Variants in TOB2 observed in about 807,000 individuals in gnomAD.
The protein encoded by TOB2 is protein Tob2.
A neutral mutation model predicts 17.3 loss-of-function variants in TOB2; 3 were observed. The ratio of observed to expected loss-of-function variants is 0.17; its 90% CI spans 0.08 to 0.45. TOB2 has a LOEUF of 0.45. Among genes scored for constraint, TOB2 ranks in the 20% least tolerant of loss-of-function variants. The pLI is 0.99. For synonymous variants in TOB2, 163 were observed against 185.6 expected (o/e 0.88, Z 0.99); for missense variants, 407 against 445.7 (o/e 0.91, Z 0.78).
chr22:41,437,229 T>C lies in TOB2; in HGVS notation c.117A>G (p.Lys39=). 3 of 1,614,062 alleles carry C rather than the reference T, an allele frequency of 1.9e-6. No individual in the cohort carries two copies. Among genetic ancestry groups the C allele is most frequent in the Non-Finnish European group, 2.5e-6 (3 of 1,179,996 alleles). ...GEELERLLKK[K]YEGHWYPEKP... Reference sequence around the variant, plus strand: ...TCTCAGGGTACCAGTGGCCTTCATATTTCTTTTTCAAAAGCCGCTCTAGCT... The same window carrying C: ...TCTCAGGGTACCAGTGGCCTTCATACTTCTTTTTCAAAAGCCGCTCTAGCT... The change falls in exon 2 of 2, where the codon AAA becomes AAG. Residue 39 remains lysine, a synonymous_variant. Coordinates refer to ENST00000327492, the MANE Select transcript of TOB2 (RefSeq NM_016272.4).
At chr22:41,444,123 G>C (rs967232415) in intron 1 of TOB2, among the ~76,000 whole-genome samples, 1 of 152,150 alleles carries the variant, frequency 6.6e-6, no homozygotes, top group African/African-American at 2.4e-5. Flanking sequence ...GGGTGGATGC[G>C]AGTGCCCTGC....
intron 1 of TOB2, among the ~76,000 whole-genome samples, chr22:41,444,521 A>G (rs1270978023): frequency 6.6e-6 from 1 of 152,226 alleles, no homozygotes; most frequent in East Asian, 1.9e-4. Context: ...GGAGTGACCT[A>G]CTTTCCCTGC....
chr22:41,436,739 C>T lies in TOB2; in HGVS notation c.607G>A (p.Val203Ile), dbSNP rs759494082. ...TGGCCACCCGCCCCACTGCTGGCTA[C>T]ACCCCCACCACTTGCTGCCCCGCCC... Reference protein sequence around the residue: ...KGGGAASGGGVASSGAGGQQP... With the variant: ...KGGGAASGGGIASSGAGGQQP... The change falls in exon 2 of 2, where the codon GTA becomes ATA. Residue 203 changes from valine (V) to isoleucine (I), a missense_variant. Coordinates refer to ENST00000327492, the MANE Select transcript of TOB2 (RefSeq NM_016272.4). The surrounding 1 kb of genome is among the most constrained non-coding windows in gnomAD (Gnocchi z 4.8). 5.0e-6 allele frequency: 8 copies of T among 1,613,404 alleles called. No individual in the cohort carries two copies. The highest frequency in any genetic ancestry group is 6.8e-6 in the Non-Finnish European group (8 of 1,179,824).
chr22:41,433,644 C>T lies in TOB2; in HGVS notation c.*2667G>A, dbSNP rs2037510489. ...AAAATATTGCACAACATTCTGAATA[C>T]AAAACCCTTGATTGTATTCCTCCTT... On this transcript the variant is annotated 3_prime_UTR_variant, in exon 2 of 2. Coordinates refer to ENST00000327492, the MANE Select transcript of TOB2 (RefSeq NM_016272.4). 7.3e-6 allele frequency: 2 copies of T among 272,800 alleles called. No homozygotes were observed. The highest frequency in any genetic ancestry group is 4.1e-5 in the South Asian group (1 of 24,420). 16.9% of individuals were successfully genotyped at this position (272,800 alleles called of 1,614,324 possible).
At position 41,446,661 on chromosome 22, in the gene TOB2, A is replaced by C. The variant is rs905239494; in HGVS notation, c.-345T>G. On this transcript the variant is annotated 5_prime_UTR_variant, in exon 1 of 2. Coordinates refer to ENST00000327492, the MANE Select transcript of TOB2 (RefSeq NM_016272.4). ...CGACGACGCGGGGATGGCGGATCGG[A>C]GGGTGGTTCGTGTCGCGCAACGGCA... 2.0e-5 allele frequency: 3 copies of C among 152,492 alleles called. No homozygotes were observed. The highest frequency in any genetic ancestry group is 1.9e-4 in the East Asian group (1 of 5,158). The allele number at this position is 152,492 out of a possible 1,614,324, so 9.4% of individuals were successfully genotyped here.
Position 41,437,038 on chromosome 22 carries a change from A to G in TOB2, c.308T>C (p.Ile103Thr), listed in dbSNP as rs1569269319. The G allele has an allele frequency of 6.2e-7, 1 of 1,614,018 alleles. No homozygotes were observed. Among genetic ancestry groups the G allele is most frequent in the Non-Finnish European group, 8.5e-7 (1 of 1,179,986 alleles). ...WIDPFEVSYQ[I>T]GEKGAVKVLY... ...CACTTTCACAGCTCCCTTCTCACCAATCTGGTAGGACACCTCAAAGGGATC... is the reference window on the plus strand; with the variant it reads ...CACTTTCACAGCTCCCTTCTCACCAGTCTGGTAGGACACCTCAAAGGGATC... Residue 103 changes from isoleucine (I) to threonine (T), a missense_variant, in exon 2 of 2, where the codon ATT (isoleucine) becomes ACT (threonine). By Grantham distance (89) the Ile-to-Thr change is moderately conservative. Transcript: ENST00000327492.
rs1410031193 is a variant in TOB2 at position 41,437,302 on chromosome 22, TAGG to T, written c.41_43del (p.Ser14del). 6.2e-7 allele frequency: 1 copy of T among 1,613,900 alleles called. No homozygotes were observed. The highest frequency in any genetic ancestry group is 8.5e-7 in the Non-Finnish European group (1 of 1,179,974). On this transcript the variant is annotated inframe_deletion, in exon 2 of 2. Transcript: ENST00000327492. ...GCGCCGGGGCAGCTTGTTGTACAAGTAGGAGATGATGAAGTTCAGGGCCACTTT... is the reference window on the plus strand; with the variant it reads ...GCGCCGGGGCAGCTTGTTGTACAAGTAGATGATGAAGTTCAGGGCCACTTT...
rs2037533104 is a variant in TOB2 at position 41,435,273 on chromosome 22, T to G, written c.*1038A>C. ...CTTCCACAGTCTGCAAACCAGTTCC[T>G]TCTGCAGTGTTTTCCTCTGGGAGTG... On this transcript the variant is annotated 3_prime_UTR_variant, in exon 2 of 2. Transcript: ENST00000327492. 6.6e-6 allele frequency: 1 copy of G among 152,238 alleles called. No individual in the cohort carries two copies. Among genetic ancestry groups the G allele is most frequent in the Non-Finnish European group, 1.5e-5 (1 of 68,054 alleles). 9.4% of individuals were successfully genotyped at this position (152,238 alleles called of 1,614,324 possible). A position where few individuals can be genotyped will look rare whatever the true frequency, so the allele number is the denominator to read the frequency against.
chr22:41,436,258 C>G lies in TOB2; in HGVS notation c.*53G>C. The G allele has an allele frequency of 6.8e-7, 1 of 1,480,884 alleles. No individual in the cohort carries two copies. The highest frequency in any genetic ancestry group is 9.0e-7 in the Non-Finnish European group (1 of 1,116,750). The allele number at this position is 1,480,884 out of a possible 1,614,324, so 91.7% of individuals were successfully genotyped here. A position where few individuals can be genotyped will look rare whatever the true frequency, so the allele number is the denominator to read the frequency against. ...CTTTTCCTCTTTTTTTTGGCCTTTCCTTTCTCTTTTCTGTGGTCTTGGGTG... is the reference window on the plus strand; with the variant it reads ...CTTTTCCTCTTTTTTTTGGCCTTTCGTTTCTCTTTTCTGTGGTCTTGGGTG... On this transcript the variant is annotated 3_prime_UTR_variant, in exon 2 of 2. Coordinates refer to ENST00000327492, the MANE Select transcript of TOB2 (RefSeq NM_016272.4). This position sits in a 1 kb window ranked among gnomAD's most constrained non-coding sequence, Gnocchi z 4.8.
At chr22:41,439,450 T>A (rs2146033351) in intron 1 of TOB2, among the ~76,000 whole-genome samples, 1 of 152,184 alleles carries the variant, frequency 6.6e-6, no homozygotes, top group East Asian at 1.9e-4. Context: ...GGCCCATGGC[T>A]CTTAAGGGGC....
chr22:41,439,576 C>T (rs774120189), intron 1 of TOB2, among the ~76,000 whole-genome samples: 1 of 152,044 alleles, frequency 6.6e-6, no homozygotes, highest in Admixed American at 6.6e-5. Context: ...ACTGCAGTGG[C>T]GTGATCTTGG....
intron 1 of TOB2, among the ~76,000 whole-genome samples, chr22:41,439,150 T>C (rs2037586949): frequency 6.6e-6 from 1 of 152,162 alleles, no homozygotes; most frequent in South Asian, 2.1e-4. Flanking sequence ...CCGGGGCTCA[T>C]GCTGGGGGAG....
chr22:41,438,237 TTCTTC>T (rs2037575378), intron 1 of TOB2, among the ~76,000 whole-genome samples: 1 of 152,178 alleles, frequency 6.6e-6, no homozygotes, highest in Admixed American at 6.5e-5. Flanking sequence ...GCACTGCCAA[TTCTTC>T]ACTGGGGGCC....
At position 41,437,155 on chromosome 22, in the gene TOB2, A is replaced by G. The variant is rs1601847595; in HGVS notation, c.191T>C (p.Val64Ala). The G allele has an allele frequency of 2.5e-6, 4 of 1,614,108 alleles. No homozygotes were observed. Among genetic ancestry groups the G allele is most frequent in the Non-Finnish European group, 3.4e-6 (4 of 1,180,018 alleles). Residue 64 changes from valine to alanine, a missense_variant, in exon 2 of 2, where the codon GTG becomes GCG. Physicochemically the swap from Val to Ala is moderately conservative, Grantham distance 64 (BLOSUM62 0). Coordinates refer to ENST00000327492, the MANE Select transcript of TOB2 (RefSeq NM_016272.4). The part of the protein sequence containing the change: ...GFRCVHIGEM[V>A]DPVVELAAKR... The stretch of plus-strand genomic sequence containing the variant: ...GGCGGCCAGCTCCACCACGGGGTCC[A>G]CCATCTCCCCAATGTGAACACAGCG...
chr22:41,442,246 T>C (rs577523182), intron 1 of TOB2, among the ~76,000 whole-genome samples: 11 of 152,342 alleles, frequency 7.2e-5, no homozygotes, highest in African/African-American at 2.6e-4. Context: ...AGGTACTGCA[T>C]GGCCTCTTAA....
chr22:41,443,410 C>A (rs1466180733), intron 1 of TOB2, among the ~76,000 whole-genome samples: 4 of 152,110 alleles, frequency 2.6e-5, no homozygotes, highest in Non-Finnish European at 5.9e-5. Context: ...ACCTCCGCCT[C>A]CTGGGTTCAA....
chr22:41,446,767 A>G lies in TOB2; in HGVS notation c.-451T>C, dbSNP rs934594588. 2 of 152,662 alleles carry G rather than the reference A, an allele frequency of 1.3e-5. No individual in the cohort carries two copies. The highest frequency in any genetic ancestry group is 4.8e-5 in the African/African-American group (2 of 41,372). 9.5% of individuals were successfully genotyped at this position (152,662 alleles called of 1,614,324 possible). On this transcript the variant is annotated 5_prime_UTR_variant, in exon 1 of 2. Coordinates refer to ENST00000327492, the MANE Select transcript of TOB2 (RefSeq NM_016272.4). ...GAGCCACGGCTTGCCTCAGCCAACA[A>G]CCCGCACCTTCCCGCGCCCCGGCCC...
At chr22:41,439,482 CGTATGTAT>C (rs6147628) in intron 1 of TOB2, among the ~76,000 whole-genome samples, 39,388 of 147,876 alleles carry the variant, frequency 0.27, 5,450 homozygotes, top group Middle Eastern at 0.3. Flanking sequence ...TTTAATTTTA[CGTATGTAT>C]GTATGTATGT....
In TOB2 at chr22:41,433,981, GA is replaced by G. The variant is rs1179645990; in HGVS notation, c.*2329del. On this transcript the variant is annotated 3_prime_UTR_variant, in exon 2 of 2. Coordinates refer to ENST00000327492, the MANE Select transcript of TOB2 (RefSeq NM_016272.4). ...TCTTTTTAAGAAAAAATCTTGAAAA[GA>G]AAAAAATTATGTTTTTTACGTTAGA... 3.8e-5 allele frequency: 9 copies of G among 235,102 alleles called. No individual in the cohort carries two copies. The South Asian group carries it at 4.4e-4, about 11-fold the overall frequency. The allele number at this position is 235,102 out of a possible 1,614,324, so 14.6% of individuals were successfully genotyped here.
Sources: gnomAD v4.1 joint callset for allele counts (sites outside exome capture counted in the v4.1 genomes callset) on GRCh38, gnomAD v4.1.1 for gene constraint, Gnocchi (gnomAD v3.1) non-coding constraint, MANE v1.5 for transcripts, NCBI Gene and HGNC (gene_info 2026-07-23, HGNC 2026-07-21) for gene names.